Variants in TMEM163 observed in about 807,000 individuals in gnomAD.
TMEM163 encodes transmembrane protein 163.
Under a neutral mutation model 29.3 loss-of-function variants are expected in TMEM163, and 17 were observed. That is an observed-to-expected ratio of 0.58 (90% CI 0.40 to 0.87). TMEM163 has a LOEUF of 0.87. TMEM163 is among the 40% of genes least tolerant of loss of function. The pLI, the probability that TMEM163 is intolerant of heterozygous loss-of-function variation, is 0.00. For synonymous variants in TMEM163, 157 were observed against 160.6 expected, an observed-to-expected ratio of 0.98 and a Z score of 0.17; for missense variants, 303 against 381.5, an observed-to-expected ratio of 0.79 and a Z score of 1.71.
In TMEM163 at chr2:134,537,937, G is replaced by A. The variant is rs915537433; in HGVS notation, c.458+12633C>T. On this transcript the variant is annotated intron_variant, in intron 4 of 7. Transcript: ENST00000281924. ...GATACCATTCACACCCACTAGAATG[G>A]CTGGAACCAAAAAGACAGATGATAA... 3.9e-5 allele frequency among the ~76,000 whole-genome samples: 6 copies of A among 152,194 alleles called. No individual in the cohort carries two copies. The East Asian group carries it at 1.2e-3, about 29-fold the overall frequency.
At chr2:134,662,243 T>C (rs1683771920) in intron 2 of TMEM163, among the ~76,000 whole-genome samples, 1 of 152,196 alleles carries the variant, frequency 6.6e-6, no homozygotes, top group Admixed American at 6.5e-5. Flanking sequence ...CCTGATTCAT[T>C]ACTTTTCATT....
intron 2 of TMEM163, among the ~76,000 whole-genome samples, chr2:134,555,073 C>G (rs1031830683): frequency 2.8e-4 from 43 of 152,318 alleles, no homozygotes; most frequent in African/African-American, 1.0e-3. Context: ...CTCCCCAACT[C>G]TTGCTACTAA....
intron 3 of TMEM163, among the ~76,000 whole-genome samples, chr2:134,550,960 C>T (rs1459225408): frequency 6.6e-6 from 1 of 152,082 alleles, no homozygotes; most frequent in Non-Finnish European, 1.5e-5. Context: ...ATTGGTTTCC[C>T]CATGATAGTC....
At chr2:134,624,001 C>T (rs905143189) in intron 2 of TMEM163, among the ~76,000 whole-genome samples, 1 of 152,162 alleles carries the variant, frequency 6.6e-6, no homozygotes, top group Non-Finnish European at 1.5e-5. Context: ...CCACAGAAAC[C>T]TTCCGCCCCA....
intron 4 of TMEM163, among the ~76,000 whole-genome samples, chr2:134,527,041 A>T (rs1325202778): frequency 6.6e-6 from 1 of 152,180 alleles, no homozygotes; most frequent in African/African-American, 2.4e-5. Flanking sequence ...CTCACCACAA[A>T]TAGTTTTCTA....
rs971528985 is a variant in TMEM163 at position 134,498,412 on chromosome 2, C to T, written c.555+4489G>A. 6.5e-5 allele frequency among the ~76,000 whole-genome samples: 9 copies of T among 139,410 alleles called. No homozygotes were observed. In the East Asian group the frequency reaches 1.9e-3, roughly 30 times the overall value. 91.5% of individuals were successfully genotyped at this position (139,410 alleles called of 152,430 possible). A position where few individuals can be genotyped will look rare whatever the true frequency, so the allele number is the denominator to read the frequency against. ...TTGCACTGTCGCCCAGGCTGGAGTGCAATCTGGTTCAAGCAATTCTTCCAC... is the reference window on the plus strand; with the variant it reads ...TTGCACTGTCGCCCAGGCTGGAGTGTAATCTGGTTCAAGCAATTCTTCCAC... On this transcript the variant is annotated intron_variant, in intron 5 of 7. Coordinates refer to ENST00000281924, the MANE Select transcript of TMEM163 (RefSeq NM_030923.5).
intron 2 of TMEM163, among the ~76,000 whole-genome samples, chr2:134,585,666 C>T (rs536157332): frequency 8.1e-4 from 123 of 150,976 alleles, no homozygotes; most frequent in African/African-American, 2.7e-3. Flanking sequence ...GGCGTGAACC[C>T]GGGAGGCGGA....
intron 2 of TMEM163, among the ~76,000 whole-genome samples, chr2:134,554,422 C>CAAA (rs941286100): frequency 0.017 from 361 of 21,146 alleles, 30 homozygotes; most frequent in African/African-American, 0.038. Context: ...GACCCCATCT[C>CAAA]AAAAAAAAAA....
At chr2:134,675,509 T>C (rs1217189517) in intron 2 of TMEM163, among the ~76,000 whole-genome samples, 1 of 152,110 alleles carries the variant, frequency 6.6e-6, no homozygotes, top group Non-Finnish European at 1.5e-5. Context: ...CAGTAAGATA[T>C]GTGGCAATGA....
At chr2:134,613,378 A>T (rs934251266) in intron 2 of TMEM163, among the ~76,000 whole-genome samples, 5 of 152,214 alleles carry the variant, frequency 3.3e-5, no homozygotes, top group African/African-American at 7.2e-5. Context: ...AAATTTGAGG[A>T]AAAGAATTCA....
intron 2 of TMEM163, among the ~76,000 whole-genome samples, chr2:134,632,971 G>A (rs1447246171): frequency 2.0e-5 from 3 of 150,556 alleles, no homozygotes; most frequent in Admixed American, 6.6e-5. Context: ...TGTTAGCCGG[G>A]ATGGTCTCGA....
At chr2:134,585,414 G>T (rs1327932663) in intron 2 of TMEM163, among the ~76,000 whole-genome samples, 2 of 152,154 alleles carry the variant, frequency 1.3e-5, no homozygotes, top group Non-Finnish European at 2.9e-5. Flanking sequence ...CCTCTTAGAG[G>T]GTTGTTGTGA....
chr2:134,624,870 A>G (rs931011592), intron 2 of TMEM163, among the ~76,000 whole-genome samples: 3 of 152,304 alleles, frequency 2.0e-5, no homozygotes, highest in South Asian at 4.1e-4. Flanking sequence ...AGATCTCACC[A>G]TTGCACTCCA....
intron 2 of TMEM163, among the ~76,000 whole-genome samples, chr2:134,571,163 C>T (rs889545479): frequency 6.6e-6 from 1 of 152,204 alleles, no homozygotes; most frequent in Non-Finnish European, 1.5e-5. Context: ...TAGATAGCCT[C>T]AGTCTTAAGA....
At chr2:134,516,496 G>A (rs147159606) in intron 4 of TMEM163, among the ~76,000 whole-genome samples, 1 of 151,674 alleles carries the variant, frequency 6.6e-6, no homozygotes, top group Non-Finnish European at 1.5e-5. Context: ...AGGAGGCAGA[G>A]GTTGTAATGA....
chr2:134,591,632 C>T (rs1681936554), intron 2 of TMEM163, among the ~76,000 whole-genome samples: 1 of 152,146 alleles, frequency 6.6e-6, no homozygotes. Flanking sequence ...CCAGTTCCCA[C>T]TCAATGCTTC....
intron 2 of TMEM163, among the ~76,000 whole-genome samples, chr2:134,657,934 T>G (rs1683658022): frequency 6.6e-6 from 1 of 152,146 alleles, no homozygotes; most frequent in South Asian, 2.1e-4. Context: ...TGGGATCACT[T>G]GTATACTAAA....
intron 2 of TMEM163, among the ~76,000 whole-genome samples, chr2:134,652,771 G>T (rs1252312319): frequency 8.5e-5 from 11 of 129,246 alleles, no homozygotes; most frequent in South Asian, 2.6e-4. Context: ...GTTGAATTTT[G>T]TCAAAGGCTT....
chr2:134,666,930 G>A (rs1033469199), intron 2 of TMEM163, among the ~76,000 whole-genome samples: 6 of 152,128 alleles, frequency 3.9e-5, no homozygotes, highest in East Asian at 3.9e-4. Context: ...GGAGGATGTC[G>A]TCTTCTCCAT....
Sources: gnomAD v4.1 joint callset for allele counts (sites outside exome capture counted in the v4.1 genomes callset) on GRCh38, gnomAD v4.1.1 for gene constraint, MANE v1.5 for transcripts, NCBI Gene and HGNC (gene_info 2026-07-23, HGNC 2026-07-21) for gene names.